The following TMPRSS4 variants were observed in gnomAD, a reference collection of about 807,000 sequenced individuals.
TMPRSS4 encodes the protein transmembrane serine protease 4, also known as transmembrane protease serine 4.
Under a neutral mutation model 56.4 loss-of-function variants are expected in TMPRSS4, and 45 were observed. The observed-to-expected ratio is 0.80, with a 90% CI of 0.63 to 1.02. The LOEUF is 1.02. Ranked by LOEUF, TMPRSS4 falls within the 50% of genes least tolerant of loss-of-function variation. The pLI, the probability that TMPRSS4 is intolerant of heterozygous loss-of-function variation, is 0.00. For missense variants in TMPRSS4, 546 were observed against 556.7 expected, an observed-to-expected ratio of 0.98 and a Z score of 0.19; for synonymous variants, 205 against 211.0, an observed-to-expected ratio of 0.97 and a Z score of 0.25.
intron 1 of TMPRSS4, among the ~76,000 whole-genome samples, chr11:118,080,478 C>A (rs1042871889): frequency 4.6e-5 from 7 of 152,198 alleles, no homozygotes; most frequent in Non-Finnish European, 8.8e-5. Context: ...TCCAGCCTGA[C>A]CCTGGGGGTC....
Position 118,117,942 on chromosome 11 carries a change from C to G in TMPRSS4, c.*29C>G. The G allele has an allele frequency of 6.2e-7, 1 of 1,612,488 alleles. No individual in the cohort carries two copies. The highest frequency in any genetic ancestry group is 8.5e-7 in the Non-Finnish European group (1 of 1,180,028). Reference sequence around the variant, plus strand: ...TGCTGCCCCTTTGCAGTGCTGGGAGCCGCTTCCTTCCTGCCCTGCCCACCT... The same window carrying G: ...TGCTGCCCCTTTGCAGTGCTGGGAGGCGCTTCCTTCCTGCCCTGCCCACCT... On this transcript the variant is annotated 3_prime_UTR_variant, in exon 13 of 13. Transcript: ENST00000437212.
Position 118,099,231 on chromosome 11 carries a change from A to G in TMPRSS4, c.157+133A>G, listed in dbSNP as rs1238614151. 7.9e-6 allele frequency: 4 copies of G among 505,788 alleles called. No individual in the cohort carries two copies. In the African/African-American group the frequency reaches 1.4e-4, roughly 18 times the overall value. 31.3% of individuals were successfully genotyped at this position (505,788 alleles called of 1,614,324 possible). ...CACCCCCTCAGTAAGAGGCAGTCCCACCCCTGCCCTCACCCACTCAGTAAG... is the reference window on the plus strand; with the variant it reads ...CACCCCCTCAGTAAGAGGCAGTCCCGCCCCTGCCCTCACCCACTCAGTAAG... On this transcript the variant is annotated intron_variant, in intron 3 of 12. Coordinates refer to ENST00000437212, the MANE Select transcript of TMPRSS4 (RefSeq NM_019894.4).
chr11:118,107,774 C>T lies in TMPRSS4; in HGVS notation c.441C>T (p.Ser147=). 1 of 1,613,996 alleles carries T rather than the reference C, an allele frequency of 6.2e-7. No individual in the cohort carries two copies. Among genetic ancestry groups the T allele is most frequent in the East Asian group, 2.2e-5 (1 of 44,888 alleles). The part of the protein sequence containing the change: ...ETACRQMGYS[S]KPTFRAVEIG... Reference sequence around the variant, plus strand: ...TCTCTCTCCCTCTTGATGTGAGCAGCAAACCCACTTTCAGAGCTGTGGAGA... The same window carrying T: ...TCTCTCTCCCTCTTGATGTGAGCAGTAAACCCACTTTCAGAGCTGTGGAGA... Residue 147 remains serine, a splice_region_variant and synonymous_variant, in exon 6 of 13, where the codon AGC becomes AGT. Coordinates refer to ENST00000437212, the MANE Select transcript of TMPRSS4 (RefSeq NM_019894.4).
At chr11:118,086,057 G>A (rs557890209) in intron 1 of TMPRSS4, among the ~76,000 whole-genome samples, 7 of 152,348 alleles carry the variant, frequency 4.6e-5, no homozygotes, top group African/African-American at 1.7e-4. Context: ...TCTGTCTTCA[G>A]TTTAATTTAG....
At chr11:118,102,488 A>AC (rs1156490948) in intron 3 of TMPRSS4, among the ~76,000 whole-genome samples, 1 of 152,176 alleles carries the variant, frequency 6.6e-6, no homozygotes, top group African/African-American at 2.4e-5. Flanking sequence ...CGGGTGGATC[A>AC]CCTGAGGTCA....
chr11:118,099,978 C>A (rs1361124234), intron 3 of TMPRSS4, among the ~76,000 whole-genome samples: 1 of 152,048 alleles, frequency 6.6e-6, no homozygotes, highest in African/African-American at 2.4e-5. Flanking sequence ...GGAGTCGTTG[C>A]CTTTGTTATC....
At chr11:118,080,013 C>A (rs188197428) in intron 1 of TMPRSS4, among the ~76,000 whole-genome samples, 37 of 152,304 alleles carry the variant, frequency 2.4e-4, no homozygotes, top group Non-Finnish European at 4.7e-4. Flanking sequence ...ACTCCCCCCC[C>A]ACCAAAAGAA....
intron 7 of TMPRSS4, among the ~76,000 whole-genome samples, chr11:118,109,582 T>C (rs147598350): frequency 8.7e-4 from 132 of 152,316 alleles, no homozygotes; most frequent in African/African-American, 3.1e-3. Context: ...CCCAAGAAGT[T>C]GTTTAGTCCA....
chr11:118,091,564 C>T (rs1945968252), intron 1 of TMPRSS4, among the ~76,000 whole-genome samples: 1 of 152,110 alleles, frequency 6.6e-6, no homozygotes, highest in Admixed American at 6.5e-5. Context: ...GACAGACCCT[C>T]GGCTGTCTTC....
At chr11:118,124,338 T>A (rs1381988410), downstream of TMPRSS4, among the ~76,000 whole-genome samples, 1 of 152,132 alleles carries the variant, frequency 6.6e-6, no homozygotes, top group Non-Finnish European at 1.5e-5. Context: ...TGAGCTGAGA[T>A]GGCGCCGCTG....
intron 1 of TMPRSS4, among the ~76,000 whole-genome samples, chr11:118,086,093 A>G (rs943917589): frequency 2.0e-5 from 3 of 151,890 alleles, no homozygotes; most frequent in Admixed American, 2.0e-4. Flanking sequence ...CAAATACCTC[A>G]CTCCTGCCCT....
At position 118,119,388 on chromosome 11, in the gene TMPRSS4, C is replaced by A. The variant is rs1947712616; in HGVS notation, c.*1475C>A. The A allele has an allele frequency of 1.0e-6, 1 of 978,668 alleles. No homozygotes were observed. Among genetic ancestry groups the A allele is most frequent in the Non-Finnish European group, 1.2e-6 (1 of 823,944 alleles). 60.6% of individuals were successfully genotyped at this position (978,668 alleles called of 1,614,324 possible). A position where few individuals can be genotyped will look rare whatever the true frequency, so the allele number is the denominator to read the frequency against. ...GGAGGAAAATTTCCCAAATTTAGAG[C>A]CTCAGGATTCCCAAAGATCCTCCAA... On this transcript the variant is annotated 3_prime_UTR_variant, in exon 13 of 13. Coordinates refer to ENST00000437212, the MANE Select transcript of TMPRSS4 (RefSeq NM_019894.4).
chr11:118,120,097 A>G lies in TMPRSS4; in HGVS notation c.*2184A>G, dbSNP rs1214812754. On this transcript the variant is annotated 3_prime_UTR_variant, in exon 13 of 13. Transcript: ENST00000437212. ...GTACCTCATTTAAGTGAAGTCATGC[A>G]GTATTGGTCTTTTTGTACTTGTTTT... is the stretch of plus-strand genomic sequence containing the variant. 6.6e-6 allele frequency: 1 copy of G among 152,226 alleles called. No homozygotes were observed. Among genetic ancestry groups the G allele is most frequent in the East Asian group, 1.9e-4 (1 of 5,198 alleles). 9.4% of individuals were successfully genotyped at this position (152,226 alleles called of 1,614,324 possible).
At chr11:118,112,100 C>T (rs1947307275) in intron 8 of TMPRSS4, among the ~76,000 whole-genome samples, 200 bp downstream of exon 8, 1 of 152,150 alleles carries the variant, frequency 6.6e-6, no homozygotes, top group South Asian at 2.1e-4. Flanking sequence ...GTGCTGGTCA[C>T]CAAGCATGGC....
Position 118,113,460 on chromosome 11 carries a change from T to A in TMPRSS4, c.910+25T>A, listed in dbSNP as rs75327345. ...GGTGAGAAGCAGGGCCCAAGGCCAC[T>A]CAAGCCTCTTACATCAGTTTTCACG... On this transcript the variant is annotated intron_variant, in intron 9 of 12. Transcript: ENST00000437212. 2,251 of 1,610,232 alleles carry A rather than the reference T, an allele frequency of 1.4e-3. 28 individuals carry two copies. In the African/African-American group the frequency reaches 0.027, roughly 20 times the overall value.
At position 118,103,256 on chromosome 11, in the gene TMPRSS4, G is replaced by A; in HGVS notation, c.310+3G>A. 6.2e-7 allele frequency: 1 copy of A among 1,612,998 alleles called. No homozygotes were observed. Among genetic ancestry groups the A allele is most frequent in the Non-Finnish European group, 8.5e-7 (1 of 1,179,752 alleles). On this transcript the variant is annotated splice_donor_region_variant and intron_variant, in intron 4 of 12. Coordinates refer to ENST00000437212, the MANE Select transcript of TMPRSS4 (RefSeq NM_019894.4). The stretch of plus-strand genomic sequence containing the variant: ...CCCCGAAGGGCCTGCAGTGGCAGGT[G>A]AGTGCAGGGTCTGAGGCACAAGAGA...
downstream of TMPRSS4, among the ~76,000 whole-genome samples, chr11:118,122,827 G>A (rs11216773): frequency 6.7e-4 from 102 of 152,268 alleles, no homozygotes; most frequent in African/African-American, 2.3e-3. Flanking sequence ...TAACCCCCAA[G>A]GTGATGGTAG....
Position 118,103,087 on chromosome 11 carries a change from C to T in TMPRSS4, c.158-14C>T, listed in dbSNP as rs531883330. ...CCTCAGCCCTCTCTGCCTCTCCCTG[C>T]ACTTGCCTTCCAGTCAAGGTGATTC... is the stretch of plus-strand genomic sequence containing the variant. On this transcript the variant is annotated splice_polypyrimidine_tract_variant and intron_variant, in intron 3 of 12. Coordinates refer to ENST00000437212, the MANE Select transcript of TMPRSS4 (RefSeq NM_019894.4). 1.2e-6 allele frequency: 2 copies of T among 1,613,716 alleles called. No homozygotes were observed. Among genetic ancestry groups the T allele is most frequent in the Non-Finnish European group, 1.7e-6 (2 of 1,179,824 alleles).
intron 11 of TMPRSS4, among the ~76,000 whole-genome samples, chr11:118,115,736 T>C (rs1011202599): frequency 6.6e-6 from 1 of 152,078 alleles, no homozygotes; most frequent in Non-Finnish European, 1.5e-5. Flanking sequence ...GGCAGGAGAA[T>C]TGCTTGAACC....
Sources: allele counts gnomAD v4.1 joint callset (sites outside exome capture counted in the v4.1 genomes callset), GRCh38; gene constraint gnomAD v4.1.1; transcripts MANE v1.5; gene names NCBI Gene and HGNC (gene_info 2026-07-23, HGNC 2026-07-21).